PTPRD: variants seen among roughly 807,000 people sequenced by gnomAD.
PTPRD encodes the protein receptor-type tyrosine-protein phosphatase delta.
In PTPRD, 34 loss-of-function variants were observed where a neutral mutation model predicts 214.5. The ratio of observed to expected loss-of-function variants is 0.16; its 90% CI spans 0.12 to 0.21. The LOEUF is 0.21. PTPRD is among the 10% of genes least tolerant of loss of function. PTPRD has a pLI of 1.00. For missense variants in PTPRD, 2,545 were observed against 2,398.7 expected, an observed-to-expected ratio of 1.06 and a Z score of -1.27; for synonymous variants, 1,128 against 845.7, an observed-to-expected ratio of 1.33 and a Z score of -5.79.
At chr9:9,360,029 T>A (rs1202150567) in intron 9 of PTPRD, among the ~76,000 whole-genome samples, 1 of 151,314 alleles carries the variant, frequency 6.6e-6, no homozygotes, top group Non-Finnish European at 1.5e-5. Context: ...CAGTTCATTT[T>A]ACAAACTAAA....
intron 2 of PTPRD, among the ~76,000 whole-genome samples, chr9:10,552,585 C>G (rs1046838351): frequency 5.9e-5 from 9 of 152,040 alleles, no homozygotes; most frequent in Non-Finnish European, 4.4e-5. Context: ...CATTTATATC[C>G]CTACCACTGT....
intron 26 of PTPRD, among the ~76,000 whole-genome samples, chr9:8,494,540 G>C (rs1417701680): frequency 6.6e-6 from 1 of 152,190 alleles, no homozygotes; most frequent in Non-Finnish European, 1.5e-5. Flanking sequence ...TGGTTTCCAA[G>C]GTTCCCCTCA....
chr9:10,529,683 G>A (rs958464635), intron 2 of PTPRD, among the ~76,000 whole-genome samples: 5 of 151,044 alleles, frequency 3.3e-5, no homozygotes, highest in Non-Finnish European at 5.9e-5. Context: ...AAAACTGCAC[G>A]TTCTGCACAT....
intron 9 of PTPRD, among the ~76,000 whole-genome samples, chr9:9,306,563 C>CAAA (rs142369340): frequency 8.8e-5 from 7 of 79,140 alleles, no homozygotes; most frequent in Non-Finnish European, 1.2e-4. Context: ...GACTCCGTCT[C>CAAA]AAAAAAAAAA....
At chr9:9,457,132 T>C (rs746658201) in intron 8 of PTPRD, among the ~76,000 whole-genome samples, 3 of 151,864 alleles carry the variant, frequency 2.0e-5, no homozygotes, top group Non-Finnish European at 4.4e-5. Context: ...CTAGGTGAAG[T>C]ACAAGGGAGC....
intron 7 of PTPRD, among the ~76,000 whole-genome samples, chr9:9,587,045 G>A (rs1260662071): frequency 6.6e-6 from 1 of 151,488 alleles, no homozygotes; most frequent in Non-Finnish European, 1.5e-5. Flanking sequence ...TATGAGAGGA[G>A]GAAATGTATG....
intron 9 of PTPRD, among the ~76,000 whole-genome samples, chr9:9,278,330 T>C (rs556337886): frequency 1.3e-5 from 2 of 151,442 alleles, no homozygotes; most frequent in East Asian, 3.9e-4. Context: ...GTACTAATTA[T>C]AGGCGTGTAG....
rs1243224721 is a variant in PTPRD at position 8,829,070 on chromosome 9, C to T, written c.-103-95124G>A. 7.2e-5 allele frequency among the ~76,000 whole-genome samples: 11 copies of T among 152,190 alleles called. No homozygotes were observed. The East Asian group carries it at 2.1e-3, about 29-fold the overall frequency. Reference sequence around the variant, plus strand: ...GCTTTCCAAATTAAATAGATAATCACTACTAATGTTTCCTTAATTGTCCAT... The same window carrying T: ...GCTTTCCAAATTAAATAGATAATCATTACTAATGTTTCCTTAATTGTCCAT... On this transcript the variant is annotated intron_variant, in intron 11 of 45. Transcript: ENST00000381196.
At chr9:10,119,369 T>G (rs2098756949) in intron 3 of PTPRD, among the ~76,000 whole-genome samples, 1 of 152,066 alleles carries the variant, frequency 6.6e-6, no homozygotes, top group Admixed American at 6.6e-5. Flanking sequence ...TATGGTACAC[T>G]GGATTGATCA....
intron 14 of PTPRD, among the ~76,000 whole-genome samples, chr9:8,596,720 T>A (rs879511743): frequency 1.9e-4 from 29 of 152,222 alleles, no homozygotes; most frequent in Admixed American, 9.8e-4. Context: ...TTTAATAAAA[T>A]CTGTGTTAAG....
At chr9:8,726,920 G>A (rs1304490382) in intron 12 of PTPRD, among the ~76,000 whole-genome samples, 1 of 151,580 alleles carries the variant, frequency 6.6e-6, no homozygotes, top group Non-Finnish European at 1.5e-5. Context: ...GCAGTGAGCG[G>A]AGACTGTGCC....
intron 11 of PTPRD, among the ~76,000 whole-genome samples, chr9:8,947,931 A>G (rs2099075742): frequency 6.6e-6 from 1 of 151,878 alleles, no homozygotes; most frequent in East Asian, 1.9e-4. Flanking sequence ...TATTACTAGT[A>G]TCATTGCATC....
chr9:10,157,918 TTGTTCTATTG>T (rs1369789642), intron 3 of PTPRD, among the ~76,000 whole-genome samples: 3 of 152,206 alleles, frequency 2.0e-5, no homozygotes, highest in African/African-American at 7.2e-5. Context: ...TTCCTTTGGC[TTGTTCTATTG>T]TGCTACTAAT....
At chr9:9,662,467 A>G (rs956867048) in intron 7 of PTPRD, among the ~76,000 whole-genome samples, 4 of 151,730 alleles carry the variant, frequency 2.6e-5, no homozygotes, top group Non-Finnish European at 5.9e-5. Flanking sequence ...GCAATAATGT[A>G]TAGAGAAAAC....
intron 5 of PTPRD, among the ~76,000 whole-genome samples, chr9:9,866,192 A>C (rs745651619): frequency 6.6e-6 from 1 of 152,212 alleles, no homozygotes; most frequent in Non-Finnish European, 1.5e-5. Context: ...GACTGTTTTT[A>C]ATGTTAGTAA....
At chr9:10,317,235 G>A (rs1017652092) in intron 3 of PTPRD, among the ~76,000 whole-genome samples, 1 of 151,896 alleles carries the variant, frequency 6.6e-6, no homozygotes, top group African/African-American at 2.4e-5. Flanking sequence ...TTTTTTGCCT[G>A]TATTACCTAT....
chr9:9,591,797 T>C (rs1452632079), intron 7 of PTPRD, among the ~76,000 whole-genome samples: 1 of 152,046 alleles, frequency 6.6e-6, no homozygotes, highest in Admixed American at 6.6e-5. Context: ...CTCAAATACT[T>C]ATCATTTCTT....
chr9:10,385,463 G>A (rs573755908), intron 2 of PTPRD, among the ~76,000 whole-genome samples: 1 of 151,688 alleles, frequency 6.6e-6, no homozygotes, highest in Non-Finnish European at 1.5e-5. Context: ...TATATACTGA[G>A]AGACCAATAA....
Position 8,862,353 on chromosome 9 carries a change from C to G in PTPRD, c.-103-128407G>C, listed in dbSNP as rs2098122194. On this transcript the variant is annotated intron_variant, in intron 11 of 45. Coordinates refer to ENST00000381196, the MANE Select transcript of PTPRD (RefSeq NM_002839.4). ...ACTGGGCAACAGAGCCAGACTCTGT[C>G]TCAAGAATAAATTAAAAAGCAGCCA... The G allele has an allele frequency of 2.0e-5, 3 of 152,276 alleles. No individual in the cohort carries two copies. In the South Asian group the frequency reaches 6.2e-4, roughly 32 times the overall value. The allele number at this position is 152,276 out of a possible 1,614,324, so 9.4% of individuals were successfully genotyped here. A position where few individuals can be genotyped will look rare whatever the true frequency, so the allele number is the denominator to read the frequency against.
Sources: gnomAD v4.1 joint callset for allele counts (sites outside exome capture counted in the v4.1 genomes callset) on GRCh38, gnomAD v4.1.1 for gene constraint, MANE v1.5 for transcripts, NCBI Gene and HGNC (gene_info 2026-07-23, HGNC 2026-07-21) for gene names.